Variants in CROCC observed in about 807,000 individuals in gnomAD.
CROCC encodes the protein rootletin.
In CROCC, 180 loss-of-function variants were observed where a neutral mutation model predicts 245.2. That is an observed-to-expected ratio of 0.73 (90% CI 0.65 to 0.83). The LOEUF is 0.83. Ranked by LOEUF, CROCC falls within the 40% of genes least tolerant of loss-of-function variation. The pLI is 0.00. For missense variants in CROCC, 2,688 were observed against 2,779.4 expected, an observed-to-expected ratio of 0.97 and a Z score of 0.74; for synonymous variants, 1,205 against 1,241.6, an observed-to-expected ratio of 0.97 and a Z score of 0.62.
intron 32 of CROCC, 98 bp from the exon 33 acceptor site, chr1:16,969,687 C>T: frequency 6.7e-7 from 1 of 1,487,162 alleles, no homozygotes; most frequent in Admixed American, 2.2e-5. Flanking sequence ...GAGATGACTG[C>T]CTGTTTTATG....
Position 16,939,134 on chromosome 1 carries a change from C to T in CROCC, c.1600C>T (p.Gln534Ter), listed in dbSNP as rs377700535. The change falls in exon 12 of 37, where the codon CAG (glutamine) becomes TAG (stop). Residue 534 changes from glutamine to a stop codon, truncating the protein, a stop_gained. Transcript: ENST00000375541. LOFTEE classifies it high-confidence loss of function. ...IHSALHKRQL[Q>*]VQDMRGRYEA... Reference sequence around the variant, plus strand: ...CTCCGCCCTGCACAAGCGCCAGCTGCAGGTCCAGGTAGGAAGGGGCTTGAG... The same window carrying T: ...CTCCGCCCTGCACAAGCGCCAGCTGTAGGTCCAGGTAGGAAGGGGCTTGAG... The T allele has an allele frequency of 4.7e-5, 71 of 1,513,428 alleles. No individual in the cohort carries two copies. The African/African-American group carries it at 8.7e-4, about 18-fold the overall frequency. The allele number at this position is 1,513,428 out of a possible 1,614,324, so 93.7% of individuals were successfully genotyped here.
chr1:16,926,641 A>G (rs1426296146), intron 3 of CROCC, among the ~76,000 whole-genome samples: 1 of 152,240 alleles, frequency 6.6e-6, no homozygotes, highest in Non-Finnish European at 1.5e-5. Flanking sequence ...GCCGAGAGAG[A>G]GGACCTCAGG....
chr1:16,930,382 G>A, intron 6 of CROCC, 35 bp downstream of exon 6: 1 of 1,610,974 alleles, frequency 6.2e-7, no homozygotes, highest in South Asian at 1.1e-5. Flanking sequence ...GGGCTGGCAG[G>A]ATGGCCCCCT....
In CROCC at chr1:16,954,370, G is replaced by T; in HGVS notation, c.3321+13G>T. The T allele has an allele frequency of 6.2e-7, 1 of 1,605,932 alleles. No homozygotes were observed. Among genetic ancestry groups the T allele is most frequent in the South Asian group, 1.1e-5 (1 of 90,454 alleles). On this transcript the variant is annotated intron_variant, in intron 22 of 36. Transcript: ENST00000375541. The surrounding 1 kb of genome is among the most constrained non-coding windows in gnomAD (Gnocchi z 4.4). ...GGAGCAGGACCGGGTAGGGCAGGCT[G>T]GGCAGCTGGGCCTCTGTCTCATAGA...
At chr1:16,960,055 C>T (rs912862289) in intron 26 of CROCC, among the ~76,000 whole-genome samples, 1 of 152,020 alleles carries the variant, frequency 6.6e-6, no homozygotes, top group African/African-American at 2.4e-5. Flanking sequence ...TCACTTGAGG[C>T]CAGGAGTTCG....
upstream of CROCC, among the ~76,000 whole-genome samples, chr1:16,918,195 T>G (rs1345946935): frequency 6.7e-6 from 1 of 148,932 alleles, no homozygotes; most frequent in Non-Finnish European, 1.5e-5. Context: ...GTGAAGACAC[T>G]GGTGCAGGGT....
rs1256092223 is a variant in CROCC at position 16,939,066 on chromosome 1, C to T, written c.1532C>T (p.Pro511Leu). ...CGAGGCCGTTCACCCCGCCGAGGCC[C>T]CTCCCCGGCCTGCTCAGACTCCTCC... ...PGRGRSPRRG[P>L]SPACSDSSTL... The change falls in exon 12 of 37, where the codon CCC becomes CTC. Residue 511 changes from proline to leucine, a missense_variant. Around this residue, in one of 9 missense-constraint regions of CROCC, gnomAD observed 972 missense variants for 895.3 expected, o/e 1.09. Coordinates refer to ENST00000375541, the MANE Select transcript of CROCC (RefSeq NM_014675.5). 1.0e-5 allele frequency: 16 copies of T among 1,585,572 alleles called. No homozygotes were observed. Among genetic ancestry groups the T allele is most frequent in the Non-Finnish European group, 1.3e-5 (15 of 1,170,912 alleles).
chr1:16,916,970 A>T (rs1352132211), upstream of CROCC, among the ~76,000 whole-genome samples: 14 of 152,342 alleles, frequency 9.2e-5, no homozygotes, highest in East Asian at 5.8e-4. Context: ...ATACAAAAAT[A>T]AGCTGGGCGC....
chr1:16,951,803 A>C (rs1259917915), intron 20 of CROCC: 1 of 155,422 alleles, frequency 6.4e-6, no homozygotes, highest in Non-Finnish European at 1.4e-5. Context: ...GCATGGCTCC[A>C]GGGCATGCCA....
chr1:16,930,046 C>T lies in CROCC; in HGVS notation c.537+15C>T, dbSNP rs763598204. ...TGCAGGGCAAGGTCAGGACCACCCA[C>T]TCCTGCTCCTGTCCTCCCACCTGTT... On this transcript the variant is annotated intron_variant, in intron 4 of 36. Coordinates refer to ENST00000375541, the MANE Select transcript of CROCC (RefSeq NM_014675.5). The T allele has an allele frequency of 8.4e-5, 131 of 1,566,630 alleles. No homozygotes were observed. Among genetic ancestry groups the T allele is most frequent in the Non-Finnish European group, 1.1e-4 (126 of 1,159,206 alleles).
In CROCC at chr1:16,946,819, C is replaced by T. The variant is rs2076057860; in HGVS notation, c.2342C>T (p.Thr781Ile). ...CAACGGCAGGCAGAGCAGGAGGCCACAGTGGCGCGGGAAGAGCAGGAACGG... is the reference window on the plus strand; with the variant it reads ...CAACGGCAGGCAGAGCAGGAGGCCATAGTGGCGCGGGAAGAGCAGGAACGG... The part of the protein sequence containing the change: ...GRQRQAEQEA[T>I]VAREEQERLE... The change falls in exon 17 of 37, where the codon ACA becomes ATA. Residue 781 changes from threonine to isoleucine, a missense_variant. Physicochemically the swap from Thr to Ile is moderately conservative, Grantham distance 89. Around this residue, in one of 9 missense-constraint regions of CROCC, gnomAD observed 295 missense variants for 241.7 expected, o/e 1.22. Transcript: ENST00000375541. The T allele has an allele frequency of 1.3e-6, 2 of 1,552,934 alleles. No homozygotes were observed. Among genetic ancestry groups the T allele is most frequent in the African/African-American group, 1.4e-5 (1 of 73,240 alleles).
upstream of CROCC, among the ~76,000 whole-genome samples, chr1:16,918,928 G>A (rs1454637160): frequency 6.6e-6 from 1 of 152,226 alleles, no homozygotes; most frequent in African/African-American, 2.4e-5. Flanking sequence ...GTAGAGACGG[G>A]GTTTCACCAC....
intron 14 of CROCC, among the ~76,000 whole-genome samples, chr1:16,944,837 G>A (rs764941325): frequency 6.6e-5 from 10 of 152,382 alleles, no homozygotes; most frequent in East Asian, 3.8e-4. Flanking sequence ...GGACGTGATC[G>A]ATGATGATGT....
chr1:16,938,304 C>A, intron 10 of CROCC, 96 bp from the exon 11 acceptor site: 3 of 1,215,366 alleles, frequency 2.5e-6, no homozygotes, highest in African/African-American at 1.5e-5. Context: ...GCTTCAGAGG[C>A]CACCTGGTCA....
chr1:16,941,324 C>T (rs1266956695), intron 13 of CROCC: 3 of 152,414 alleles, frequency 2.0e-5, no homozygotes, highest in Non-Finnish European at 1.5e-5. Context: ...ATTCAGGAGG[C>T]TGAGGTGGGA....
rs548478734 is a variant in CROCC, at chr1:16,970,433, C to T, written c.5632C>T (p.Leu1878Phe). ...ALRLEKDRVA[L>F]RRTLDKVERE... ...GCGGCTGGAGAAGGACCGTGTAGCC[C>T]TCAGGAGGACGCTGGACAAGGTAGG... The change falls in exon 34 of 37, where the codon CTC (leucine) becomes TTC (phenylalanine). Residue 1878 changes from leucine (L) to phenylalanine (F), a missense_variant. By Grantham distance (22) the Leu-to-Phe change is conservative. Transcript: ENST00000375541. The T allele has an allele frequency of 5.6e-5, 90 of 1,594,590 alleles. No individual in the cohort carries two copies. The highest frequency in any genetic ancestry group is 6.7e-5 in the African/African-American group (5 of 74,684).
Position 16,922,088 on chromosome 1 carries a change from G to C in CROCC, c.60+10G>C. ...AGAGACGGTTATCCAGGTGGGTCCTGGGGGCTGTGCCCACCCTGTCTGGGG... is the reference window on the plus strand; with the variant it reads ...AGAGACGGTTATCCAGGTGGGTCCTCGGGGCTGTGCCCACCCTGTCTGGGG... On this transcript the variant is annotated intron_variant, in intron 1 of 36. Coordinates refer to ENST00000375541, the MANE Select transcript of CROCC (RefSeq NM_014675.5). The C allele has an allele frequency of 1.3e-6, 2 of 1,542,700 alleles. No individual in the cohort carries two copies. The highest frequency in any genetic ancestry group is 1.4e-5 in the African/African-American group (1 of 73,116).
At chr1:16,933,300 C>T (rs1358133666) in intron 8 of CROCC, among the ~76,000 whole-genome samples, 1 of 152,100 alleles carries the variant, frequency 6.6e-6, no homozygotes, top group African/African-American at 2.4e-5. Flanking sequence ...ACCCCTATCT[C>T]TACTAAAAAT....
At chr1:16,935,157 C>T (rs369229894) in intron 8 of CROCC, among the ~76,000 whole-genome samples, 3 of 152,270 alleles carry the variant, frequency 2.0e-5, no homozygotes, top group African/African-American at 4.8e-5. Flanking sequence ...GCCTCAGCTT[C>T]GCAAAGTGCT....
Sources: gnomAD v4.1 joint callset for allele counts (sites outside exome capture counted in the v4.1 genomes callset) on GRCh38, gnomAD v4.1.1 for gene constraint, gnomAD v4.1.1 regional missense constraint, Gnocchi (gnomAD v3.1) non-coding constraint, MANE v1.5 for transcripts, NCBI Gene and HGNC (gene_info 2026-07-23, HGNC 2026-07-21) for gene names.